Variants in DGKB observed in about 807,000 individuals in gnomAD.
DGKB encodes diacylglycerol kinase beta.
DGKB carries 67 observed loss-of-function variants against 114.3 expected under a neutral mutation model. The observed-to-expected ratio is 0.59, with a 90% CI of 0.48 to 0.72. DGKB has a LOEUF of 0.72. Ranked by LOEUF, DGKB falls within the 30% of genes least tolerant of loss-of-function variation. DGKB has a pLI of 0.00. For missense variants in DGKB, 907 were observed against 975.2 expected (o/e 0.93, Z 0.93); for synonymous variants, 398 against 323.1 (o/e 1.23, Z -2.49).
chr7:14,603,718 G>A (rs1254105055), intron 17 of DGKB, among the ~76,000 whole-genome samples: 1 of 152,054 alleles, frequency 6.6e-6, no homozygotes, highest in Non-Finnish European at 1.5e-5. Flanking sequence ...TCTAAGAGCA[G>A]CTTTCTCACA....
At chr7:14,176,767 T>G in intron 25 of DGKB, 72 bp downstream of exon 25, 1 of 1,559,218 alleles carries the variant, frequency 6.4e-7, no homozygotes, top group Non-Finnish European at 8.7e-7. Flanking sequence ...AAAAATCAGT[T>G]ATTGTGGTTA....
chr7:14,509,325 A>T (rs971990958), intron 20 of DGKB, among the ~76,000 whole-genome samples: 1 of 152,034 alleles, frequency 6.6e-6, no homozygotes. Context: ...TGGCCTCTGA[A>T]GAGAAAAGTC....
chr7:14,187,119 C>T (rs558072937), intron 23 of DGKB, among the ~76,000 whole-genome samples: 2 of 152,162 alleles, frequency 1.3e-5, no homozygotes, highest in African/African-American at 2.4e-5. Flanking sequence ...GCAAACAGTC[C>T]TACCAATAAA....
At chr7:14,897,845 C>A (rs1243176134) in intron 1 of DGKB, among the ~76,000 whole-genome samples, 3 of 151,710 alleles carry the variant, frequency 2.0e-5, no homozygotes, top group Non-Finnish European at 4.4e-5. Context: ...GGGGCAAAGG[C>A]AAAATATTGT....
chr7:14,605,247 C>A (rs573921240), intron 17 of DGKB, among the ~76,000 whole-genome samples: 1 of 151,796 alleles, frequency 6.6e-6, no homozygotes, highest in African/African-American at 2.4e-5. Context: ...TGAAACGGAA[C>A]AATGTGTATC....
At chr7:14,240,197 G>A (rs999245642) in intron 23 of DGKB, among the ~76,000 whole-genome samples, 6 of 151,964 alleles carry the variant, frequency 3.9e-5, no homozygotes, top group African/African-American at 1.4e-4. Context: ...TTATGTCTCT[G>A]TTAAATAATT....
At chr7:14,962,635 TTTG>T (rs1786919589) in intron 1 of DGKB, among the ~76,000 whole-genome samples, 2 of 139,972 alleles carry the variant, frequency 1.4e-5, no homozygotes, top group Admixed American at 7.2e-5. Flanking sequence ...TGTGTGTGTG[TTTG>T]TGTGTGTGTG....
intron 13 of DGKB, among the ~76,000 whole-genome samples, chr7:14,640,412 G>C (rs1039412386): frequency 4.6e-5 from 7 of 152,192 alleles, no homozygotes; most frequent in African/African-American, 1.7e-4. Context: ...GATAAAATGA[G>C]AGTAATGTAA....
intron 1 of DGKB, among the ~76,000 whole-genome samples, chr7:14,846,885 A>G (rs1373814019): frequency 6.6e-6 from 1 of 152,228 alleles, no homozygotes; most frequent in East Asian, 1.9e-4. Context: ...AGATGAGTCA[A>G]TCTATTGGGT....
At chr7:14,171,534 C>T (rs374314651) in intron 25 of DGKB, among the ~76,000 whole-genome samples, 3 of 152,034 alleles carry the variant, frequency 2.0e-5, no homozygotes, top group African/African-American at 4.8e-5. Context: ...ATTGATAATC[C>T]AGAGGGAAGT....
At chr7:14,708,620 T>A (rs1437463281) in intron 6 of DGKB, among the ~76,000 whole-genome samples, 1 of 151,212 alleles carries the variant, frequency 6.6e-6, no homozygotes, top group African/African-American at 2.4e-5. Context: ...AACAGAGATA[T>A]AAATCAATGG....
Position 14,275,122 on chromosome 7 carries a change from C to G in DGKB, c.2122+63393G>C, listed in dbSNP as rs188057800. Among the ~76,000 whole-genome samples the G allele has an allele frequency of 1.5e-4, 23 of 152,224 alleles. No homozygotes were observed. In the East Asian group the frequency reaches 4.4e-3, roughly 29 times the overall value. The stretch of plus-strand genomic sequence containing the variant: ...CTGTCACCTCTGGGCAGAAATAATT[C>G]ACAGTTTTTATGTTACCATTGCCTT... On this transcript the variant is annotated intron_variant, in intron 23 of 25. Transcript: ENST00000402815.
At chr7:14,394,184 A>G (rs1294693185) in intron 21 of DGKB, among the ~76,000 whole-genome samples, 2 of 152,200 alleles carry the variant, frequency 1.3e-5, no homozygotes, top group African/African-American at 4.8e-5. Flanking sequence ...TTAAGTGACT[A>G]AAGAGATGGG....
At chr7:14,911,627 C>A (rs1465459423) in intron 1 of DGKB, among the ~76,000 whole-genome samples, 1 of 152,042 alleles carries the variant, frequency 6.6e-6, no homozygotes, top group Non-Finnish European at 1.5e-5. Flanking sequence ...CTGTGTTTCC[C>A]TTTAAAAAAC....
At chr7:14,541,562 A>T (rs1167610188) in intron 20 of DGKB, among the ~76,000 whole-genome samples, 1 of 152,224 alleles carries the variant, frequency 6.6e-6, no homozygotes, top group African/African-American at 2.4e-5. Flanking sequence ...GATCACATAC[A>T]TAGGTCATAT....
chr7:14,813,152 A>G (rs1157882819), intron 2 of DGKB, among the ~76,000 whole-genome samples: 1 of 152,192 alleles, frequency 6.6e-6, no homozygotes, highest in Non-Finnish European at 1.5e-5. Context: ...TTTATTAATA[A>G]CCAGAACTAT....
At chr7:14,888,868 A>G (rs1288767830) in intron 1 of DGKB, among the ~76,000 whole-genome samples, 1 of 151,726 alleles carries the variant, frequency 6.6e-6, no homozygotes, top group Non-Finnish European at 1.5e-5. Flanking sequence ...TGGTAAGTGT[A>G]ATATTTCCTG....
At chr7:14,620,105 G>A (rs1807328221) in intron 15 of DGKB, among the ~76,000 whole-genome samples, 1 of 151,346 alleles carries the variant, frequency 6.6e-6, no homozygotes, top group Non-Finnish European at 1.5e-5. Context: ...TAATAAAATT[G>A]TGGATAGATT....
chr7:14,901,416 TCTC>T (rs780026326), intron 1 of DGKB, among the ~76,000 whole-genome samples: 63 of 152,324 alleles, frequency 4.1e-4, no homozygotes, highest in Non-Finnish European at 7.6e-4. Context: ...TGAAGCTTCT[TCTC>T]CTATGGAATA....
Sources: gnomAD v4.1 joint callset for allele counts (sites outside exome capture counted in the v4.1 genomes callset) on GRCh38, gnomAD v4.1.1 for gene constraint, MANE v1.5 for transcripts, NCBI Gene and HGNC (gene_info 2026-07-23, HGNC 2026-07-21) for gene names.